The following HPSE2 variants were observed in gnomAD, a reference collection of about 807,000 sequenced individuals.
HPSE2 encodes the protein inactive heparanase-2.
Under a neutral mutation model 60.5 loss-of-function variants are expected in HPSE2, and 38 were observed. That is an observed-to-expected ratio of 0.63 (90% CI 0.48 to 0.82). HPSE2 has a LOEUF of 0.82. Among genes scored for constraint, HPSE2 ranks in the 40% least tolerant of loss-of-function variants. The pLI is 0.00. For synonymous variants in HPSE2, 295 were observed against 293.2 expected (o/e 1.01, Z -0.06); for missense variants, 713 against 740.4 (o/e 0.96, Z 0.43).
intron 3 of HPSE2, among the ~76,000 whole-genome samples, chr10:99,028,108 TGTC>T (rs1466357190): frequency 6.6e-6 from 1 of 152,168 alleles, no homozygotes; most frequent in African/African-American, 2.4e-5. Flanking sequence ...TGATAACCAC[TGTC>T]ACCACTGTTA....
At chr10:98,544,995 A>C (rs1263189802) in intron 9 of HPSE2, among the ~76,000 whole-genome samples, 1 of 152,046 alleles carries the variant, frequency 6.6e-6, no homozygotes, top group African/African-American at 2.4e-5. Flanking sequence ...CCACAGAAAT[A>C]CAAACTACCA....
At chr10:99,255,689 T>C in the HPSE2 span, among the ~76,000 whole-genome samples, 3 of 152,184 alleles carry the variant, frequency 2.0e-5, no homozygotes, top group Admixed American at 2.0e-4. Flanking sequence ...GAAACTTTGT[T>C]CATTTAATAA....
intron 3 of HPSE2, among the ~76,000 whole-genome samples, chr10:99,125,883 G>C (rs1223474758): frequency 6.6e-6 from 1 of 152,166 alleles, no homozygotes; most frequent in African/African-American, 2.4e-5. Flanking sequence ...AGAGAAGGCA[G>C]CAAGTAGAAT....
intron 3 of HPSE2, among the ~76,000 whole-genome samples, chr10:99,072,927 CAAAAAAAAAAAAAA>C (rs770699941): frequency 5.0e-4 from 44 of 88,030 alleles, no homozygotes; most frequent in African/African-American, 2.6e-3. Context: ...GGCTCCGTCT[CAAAAAAAAAAAAAA>C]AAAAAAAAAA....
At chr10:98,977,929 A>T (rs1956122335) in intron 3 of HPSE2, among the ~76,000 whole-genome samples, 1 of 132,524 alleles carries the variant, frequency 7.5e-6, no homozygotes, top group South Asian at 2.6e-4. Flanking sequence ...TAAAATATAG[A>T]TCTCATATAT....
At chr10:99,283,518 AT>A in the HPSE2 span, among the ~76,000 whole-genome samples, 3 of 151,738 alleles carry the variant, frequency 2.0e-5, no homozygotes, top group African/African-American at 7.3e-5. Context: ...AAAAAAAGAA[AT>A]TTAAAAAAAA....
At chr10:99,071,236 AT>A (rs1842780373) in intron 3 of HPSE2, among the ~76,000 whole-genome samples, 1 of 151,728 alleles carries the variant, frequency 6.6e-6, no homozygotes, top group Non-Finnish European at 1.5e-5. Context: ...CGCCCAGCTA[AT>A]TTTTGTACTT....
chr10:98,615,540 C>T (rs1219571496), intron 8 of HPSE2, among the ~76,000 whole-genome samples: 1 of 152,168 alleles, frequency 6.6e-6, no homozygotes, highest in African/African-American at 2.4e-5. Flanking sequence ...TGTCAGTAGT[C>T]AATGCAATAA....
chr10:98,768,901 A>G (rs1203503418), intron 3 of HPSE2, among the ~76,000 whole-genome samples: 1 of 152,082 alleles, frequency 6.6e-6, no homozygotes, highest in African/African-American at 2.4e-5. Context: ...AAATACAAAA[A>G]TTAGCCAGGC....
Position 98,743,834 on chromosome 10 carries a change from T to C in HPSE2, c.784+49A>G, listed in dbSNP as rs1949560200. The C allele has an allele frequency of 2.6e-6, 4 of 1,539,740 alleles. 1 individual carries two copies. The East Asian group carries it at 9.0e-5, about 35-fold the overall frequency. On this transcript the variant is annotated intron_variant, in intron 4 of 11. Coordinates refer to ENST00000370552, the MANE Select transcript of HPSE2 (RefSeq NM_021828.5). ...TGAGACTGTATCACAAGCCAACTTA[T>C]TTTTCCCCTTTATTTTGTCAATTCA...
At position 98,459,164 on chromosome 10, in the gene HPSE2, C is replaced by T; in HGVS notation, c.*410G>A. 2 of 244,688 alleles carry T rather than the reference C, an allele frequency of 8.2e-6. No homozygotes were observed. Among genetic ancestry groups the T allele is most frequent in the Non-Finnish European group, 8.1e-6 (1 of 123,026 alleles). The allele number at this position is 244,688 out of a possible 1,614,324, so 15.2% of individuals were successfully genotyped here. ...TAGGTCCACCCAGTTTTTTTCCTTCCTCATCTTCCTCTGAGGGCAGCAGCA... is the reference window on the plus strand; with the variant it reads ...TAGGTCCACCCAGTTTTTTTCCTTCTTCATCTTCCTCTGAGGGCAGCAGCA... On this transcript the variant is annotated 3_prime_UTR_variant, in exon 12 of 12. Coordinates refer to ENST00000370552, the MANE Select transcript of HPSE2 (RefSeq NM_021828.5).
chr10:98,566,352 A>G (rs1944344509), intron 9 of HPSE2, among the ~76,000 whole-genome samples: 1 of 152,168 alleles, frequency 6.6e-6, no homozygotes, highest in South Asian at 2.1e-4. Context: ...TTTCCATTTT[A>G]ACTGAGTTGT....
intron 9 of HPSE2, among the ~76,000 whole-genome samples, chr10:98,603,072 A>G (rs1052523363): frequency 2.0e-5 from 3 of 152,210 alleles, no homozygotes; most frequent in Non-Finnish European, 4.4e-5. Context: ...CTTCTGAACA[A>G]TAAATAAAAA....
At chr10:98,947,406 T>C (rs1589412177) in intron 3 of HPSE2, among the ~76,000 whole-genome samples, 1 of 152,286 alleles carries the variant, frequency 6.6e-6, no homozygotes, top group East Asian at 1.9e-4. Context: ...CTGGAGAATT[T>C]AATGCCAGCA....
chr10:98,928,674 T>G (rs1179862342), intron 3 of HPSE2, among the ~76,000 whole-genome samples: 2 of 135,024 alleles, frequency 1.5e-5, no homozygotes, highest in African/African-American at 3.2e-5. Context: ...AATGATGAGT[T>G]CATGTCCTTT....
At position 98,632,699 on chromosome 10, in the gene HPSE2, A is replaced by T. The variant is rs115943583; in HGVS notation, c.1098+9148T>A. On this transcript the variant is annotated intron_variant, in intron 7 of 11. Coordinates refer to ENST00000370552, the MANE Select transcript of HPSE2 (RefSeq NM_021828.5). ...TTTCCAGCTCCCTGCTTTCACAGGC[A>T]TCTAACAATATCCTAAGAAGGGCTC... 3.7e-3 allele frequency among the ~76,000 whole-genome samples: 564 copies of T among 152,296 alleles called. 4 individuals carry two copies. The highest frequency in any genetic ancestry group is 0.013 in the African/African-American group (544 of 41,554).
At chr10:98,813,762 TTCA>T (rs1270362257) in intron 3 of HPSE2, among the ~76,000 whole-genome samples, 1 of 152,184 alleles carries the variant, frequency 6.6e-6, no homozygotes, top group Non-Finnish European at 1.5e-5. Context: ...AATGGTTATG[TTCA>T]TCATATCTTT....
At chr10:98,874,713 C>CTTT (rs528142183) in intron 3 of HPSE2, among the ~76,000 whole-genome samples, 41 of 152,104 alleles carry the variant, frequency 2.7e-4, no homozygotes, top group African/African-American at 9.6e-4. Context: ...ATGCTTCCAA[C>CTTT]TTTTGCCCAT....
intron 4 of HPSE2, among the ~76,000 whole-genome samples, chr10:98,724,545 T>C (rs11189777): frequency 0.15 from 22,205 of 152,176 alleles, 1,962 homozygotes; most frequent in Admixed American, 0.23. Flanking sequence ...TTCGTTGATC[T>C]GTCTAATGTT....
Sources: gnomAD v4.1 joint callset for allele counts (sites outside exome capture counted in the v4.1 genomes callset) on GRCh38, gnomAD v4.1.1 for gene constraint, MANE v1.5 for transcripts, NCBI Gene and HGNC (gene_info 2026-07-23, HGNC 2026-07-21) for gene names.